Variants in C1orf21 observed in about 807,000 individuals in gnomAD.
C1orf21 encodes the protein uncharacterized protein C1orf21.
A neutral mutation model predicts 18.7 loss-of-function variants in C1orf21; 3 were observed. The ratio of observed to expected loss-of-function variants is 0.16; its 90% confidence interval spans 0.07 to 0.42. The LOEUF is 0.42. C1orf21 is among the 10% of genes least tolerant of loss of function. The pLI, the probability that C1orf21 is intolerant of heterozygous loss-of-function variation, is 0.99. For synonymous variants in C1orf21, 41 were observed against 46.4 expected (o/e 0.88, Z 0.47); for missense variants, 104 against 143.6 (o/e 0.72, Z 1.41).
intron 1 of C1orf21, among the ~76,000 whole-genome samples, chr1:184,466,282 A>G (rs1312434381): frequency 3.9e-5 from 6 of 152,194 alleles, no homozygotes; most frequent in Non-Finnish European, 7.3e-5. Context: ...CCCATGAAAC[A>G]TCCCAGAAAT....
chr1:184,559,999 G>A (rs1174488400), intron 3 of C1orf21, among the ~76,000 whole-genome samples: 1 of 152,114 alleles, frequency 6.6e-6, no homozygotes, highest in Non-Finnish European at 1.5e-5. Flanking sequence ...CAGTCATCCC[G>A]CCTTGACCTC....
At chr1:184,612,179 T>A (rs1054865961) in intron 5 of C1orf21, among the ~76,000 whole-genome samples, 4 of 152,144 alleles carry the variant, frequency 2.6e-5, no homozygotes, top group Non-Finnish European at 5.9e-5. Context: ...GAGGAAAAAT[T>A]CTTCAGGTGA....
chr1:184,529,298 A>G (rs1658424462), intron 3 of C1orf21, among the ~76,000 whole-genome samples: 1 of 152,218 alleles, frequency 6.6e-6, no homozygotes, highest in Non-Finnish European at 1.5e-5. Context: ...TGTTTTGAAT[A>G]CAAATGTGAA....
At chr1:184,495,655 C>G (rs1027685825) in intron 2 of C1orf21, among the ~76,000 whole-genome samples, 1 of 152,082 alleles carries the variant, frequency 6.6e-6, no homozygotes, top group Non-Finnish European at 1.5e-5. Flanking sequence ...GGTGTGGTGG[C>G]TCATGCGTGT....
In C1orf21 at chr1:184,626,413, G is replaced by C. The variant is rs1489213570; in HGVS notation, c.*6857G>C. The C allele has an allele frequency of 6.6e-6, 1 of 152,424 alleles. No individual in the cohort carries two copies. The highest frequency in any genetic ancestry group is 1.5e-5 in the Non-Finnish European group (1 of 68,198). 9.4% of individuals were successfully genotyped at this position (152,424 alleles called of 1,614,324 possible). A position where few individuals can be genotyped will look rare whatever the true frequency, so the allele number is the denominator to read the frequency against. On this transcript the variant is annotated 3_prime_UTR_variant, in exon 6 of 6. Transcript: ENST00000235307. Reference sequence around the variant, plus strand: ...CAGGACTCAGCCCAAAGGAGGGCCAGTGTGGACTGTCCAGGGCCAGCCTGC... The same window carrying C: ...CAGGACTCAGCCCAAAGGAGGGCCACTGTGGACTGTCCAGGGCCAGCCTGC...
intron 5 of C1orf21, among the ~76,000 whole-genome samples, chr1:184,600,813 C>T (rs1328464338): frequency 6.6e-6 from 1 of 152,182 alleles, no homozygotes; most frequent in Non-Finnish European, 1.5e-5. Flanking sequence ...GCCATGCTTT[C>T]CTGCCTCTCC....
intron 3 of C1orf21, among the ~76,000 whole-genome samples, chr1:184,545,668 A>G (rs948857004): frequency 1.3e-5 from 2 of 152,096 alleles, no homozygotes; most frequent in African/African-American, 4.8e-5. Flanking sequence ...TGTGCAGTGC[A>G]CTAAGTGACA....
intron 3 of C1orf21, among the ~76,000 whole-genome samples, chr1:184,553,621 C>T (rs34427261): frequency 0.058 from 8,820 of 152,216 alleles, 327 homozygotes; most frequent in Non-Finnish European, 0.069. Flanking sequence ...TTCCAGGCTA[C>T]CTTGTAGCAA....
At chr1:184,493,991 T>C (rs1657853701) in intron 2 of C1orf21, among the ~76,000 whole-genome samples, 1 of 152,210 alleles carries the variant, frequency 6.6e-6, no homozygotes. Context: ...ACATGTAATA[T>C]GATAATGATT....
intron 2 of C1orf21, among the ~76,000 whole-genome samples, chr1:184,478,189 G>C (rs1441765039): frequency 6.6e-6 from 1 of 152,128 alleles, no homozygotes; most frequent in South Asian, 2.1e-4. Context: ...AGTCCAAAAG[G>C]GGAGTGAGTG....
chr1:184,579,982 A>C (rs1168836420), intron 3 of C1orf21, among the ~76,000 whole-genome samples: 1 of 152,196 alleles, frequency 6.6e-6, no homozygotes, highest in African/African-American at 2.4e-5. Flanking sequence ...GAGCCTTGTC[A>C]TGGTGGAGAA....
At chr1:184,467,842 A>G (rs958501892) in intron 1 of C1orf21, among the ~76,000 whole-genome samples, 2 of 152,220 alleles carry the variant, frequency 1.3e-5, no homozygotes, top group Non-Finnish European at 2.9e-5. Flanking sequence ...TCATGAGGTC[A>G]TATATCATTT....
At position 184,621,151 on chromosome 1, in the gene C1orf21, C is replaced by T. The variant is rs1659910692; in HGVS notation, c.*1595C>T. On this transcript the variant is annotated 3_prime_UTR_variant, in exon 6 of 6. Coordinates refer to ENST00000235307, the MANE Select transcript of C1orf21 (RefSeq NM_030806.4). ...CTCGATTTTAAAATCTATCCACATC[C>T]AACTGATGGCACCATTGATGTGCAA... The T allele has an allele frequency of 6.6e-6, 1 of 152,382 alleles. No individual in the cohort carries two copies. Among genetic ancestry groups the T allele is most frequent in the Admixed American group, 6.5e-5 (1 of 15,276 alleles). 9.4% of individuals were successfully genotyped at this position (152,382 alleles called of 1,614,324 possible). A position where few individuals can be genotyped will look rare whatever the true frequency, so the allele number is the denominator to read the frequency against.
chr1:184,464,021 A>T (rs1350063197), intron 1 of C1orf21, among the ~76,000 whole-genome samples: 2 of 152,238 alleles, frequency 1.3e-5, no homozygotes, highest in Non-Finnish European at 2.9e-5. Flanking sequence ...GAGAACAGGA[A>T]AGTACATAGT....
chr1:184,453,482 T>G (rs1657153206), intron 1 of C1orf21, among the ~76,000 whole-genome samples: 1 of 152,214 alleles, frequency 6.6e-6, no homozygotes, highest in Non-Finnish European at 1.5e-5. Context: ...GAATGTTTCA[T>G]TTTCCTAAAG....
intron 3 of C1orf21, chr1:184,566,876 G>A: frequency 2.0e-6 from 1 of 494,848 alleles, no homozygotes; most frequent in East Asian, 5.5e-5. Context: ...GACAACAGCT[G>A]CACCCAAATC....
At chr1:184,500,049 T>C (rs1657950688) in intron 2 of C1orf21, among the ~76,000 whole-genome samples, 1 of 152,190 alleles carries the variant, frequency 6.6e-6, no homozygotes, top group Non-Finnish European at 1.5e-5. Flanking sequence ...AGAACAACCA[T>C]GCGTGTCTTC....
intron 3 of C1orf21, chr1:184,567,348 T>G (rs1008953734): frequency 2.1e-6 from 1 of 473,904 alleles, no homozygotes; most frequent in Non-Finnish European, 4.2e-6. Context: ...AGGACCTGTT[T>G]CAGCCATCAT....
intron 1 of C1orf21, among the ~76,000 whole-genome samples, chr1:184,397,218 T>A (rs2101955115): frequency 6.6e-6 from 1 of 152,342 alleles, no homozygotes; most frequent in Non-Finnish European, 1.5e-5. Context: ...GACATTTTCA[T>A]AATGTCTGTT....
Sources: gnomAD v4.1 joint callset for allele counts (sites outside exome capture counted in the v4.1 genomes callset) on GRCh38, gnomAD v4.1.1 for gene constraint, MANE v1.5 for transcripts, NCBI Gene and HGNC (gene_info 2026-07-23, HGNC 2026-07-21) for gene names.